Variants in CREB5 observed in about 807,000 individuals in gnomAD.
The protein encoded by CREB5 is cAMP responsive element binding protein 5, also known as cyclic AMP-responsive element-binding protein 5.
A neutral mutation model predicts 57.1 loss-of-function variants in CREB5; 19 were observed. That is an observed-to-expected ratio of 0.33 (90% CI 0.23 to 0.49). The LOEUF (loss-of-function observed/expected upper bound fraction) is 0.49, where lower values mean the gene tolerates loss of function less well. Ranked by LOEUF, CREB5 falls within the 20% of genes least tolerant of loss-of-function variation. The probability of loss-of-function intolerance (pLI) is 0.99; values close to 1 mark genes in which losing one functional copy is unlikely to be tolerated. For missense variants in CREB5, 579 were observed against 671.6 expected, an observed-to-expected ratio of 0.86 and a Z score of 1.52; for synonymous variants, 238 against 238.3, an observed-to-expected ratio of 1.00 and a Z score of 0.01.
intron 1 of CREB5, among the ~76,000 whole-genome samples, chr7:28,391,944 A>AT (rs137857509): frequency 6.6e-6 from 1 of 152,058 alleles, no homozygotes; most frequent in Non-Finnish European, 1.5e-5. Flanking sequence ...GCCAAAGGGA[A>AT]TTTTTTCACA....
chr7:28,795,724 C>T (rs1807992943), intron 7 of CREB5, among the ~76,000 whole-genome samples: 1 of 151,312 alleles, frequency 6.6e-6, no homozygotes, highest in African/African-American at 2.4e-5. Flanking sequence ...GAGGTAGAAT[C>T]CACATAAAAT....
chr7:28,447,011 G>T (rs2128564764), intron 1 of CREB5, among the ~76,000 whole-genome samples: 1 of 152,216 alleles, frequency 6.6e-6, no homozygotes, highest in Admixed American at 6.5e-5. Context: ...CTTGGAGCTG[G>T]ACTCTGCACC....
At chr7:28,442,748 T>C (rs1437348540) in intron 1 of CREB5, among the ~76,000 whole-genome samples, 1 of 152,208 alleles carries the variant, frequency 6.6e-6, no homozygotes, top group Non-Finnish European at 1.5e-5. Context: ...AAAGTCACAT[T>C]AATCACTGTA....
At chr7:28,528,283 C>A (rs1035040101) in intron 4 of CREB5, among the ~76,000 whole-genome samples, 1 of 152,160 alleles carries the variant, frequency 6.6e-6, no homozygotes, top group Non-Finnish European at 1.5e-5. Flanking sequence ...GCATTAATTG[C>A]TCTGTAATTG....
chr7:28,647,305 C>T (rs1798926132), intron 5 of CREB5, among the ~76,000 whole-genome samples: 1 of 151,878 alleles, frequency 6.6e-6, no homozygotes, highest in Admixed American at 6.5e-5. Context: ...GAGTCACAGA[C>T]TAGGGTGGAG....
chr7:28,697,453 A>G (rs17157046), intron 5 of CREB5, among the ~76,000 whole-genome samples: 29,440 of 152,130 alleles, frequency 0.19, 3,100 homozygotes, highest in Admixed American at 0.25. Context: ...GGAAAAGCCC[A>G]TTATGGAAAA....
chr7:28,599,624 C>A (rs996025767), intron 5 of CREB5, among the ~76,000 whole-genome samples: 1 of 152,176 alleles, frequency 6.6e-6, no homozygotes, highest in Non-Finnish European at 1.5e-5. Context: ...AATAAAGACA[C>A]GCATAGCTCT....
intron 1 of CREB5, among the ~76,000 whole-genome samples, chr7:28,323,384 G>A (rs1785525300): frequency 1.3e-5 from 2 of 151,860 alleles, no homozygotes; most frequent in Admixed American, 6.6e-5. Context: ...CCCTTCCTCC[G>A]TGTTCCTATC....
chr7:28,350,631 A>G (rs991134635), intron 1 of CREB5, among the ~76,000 whole-genome samples: 2 of 152,022 alleles, frequency 1.3e-5, no homozygotes, highest in Admixed American at 1.3e-4. Context: ...GAAAAGAGAG[A>G]TTCCTCTCTT....
chr7:28,533,962 A>G (rs10951198), intron 4 of CREB5, among the ~76,000 whole-genome samples: 52,391 of 152,018 alleles, frequency 0.34, 9,482 homozygotes, highest in East Asian at 0.51. Flanking sequence ...TACTTTTGAC[A>G]TGAGTTGATT....
intron 1 of CREB5, among the ~76,000 whole-genome samples, chr7:28,394,047 G>A: frequency 8.2e-6 from 1 of 121,222 alleles, no homozygotes; most frequent in Non-Finnish European, 1.6e-5. Context: ...CTCTAGCCTG[G>A]GGGATGGAGC....
intron 10 of CREB5, 177 bp from the exon 11 acceptor site, chr7:28,818,939 A>G (rs756287573): frequency 2.9e-6 from 2 of 687,696 alleles, no homozygotes; most frequent in Non-Finnish European, 4.8e-6. Flanking sequence ...AAGGCATAGC[A>G]TTGTGACAAC....
chr7:28,622,728 A>C (rs1367753289), intron 5 of CREB5, among the ~76,000 whole-genome samples: 1 of 152,088 alleles, frequency 6.6e-6, no homozygotes, highest in Non-Finnish European at 1.5e-5. Flanking sequence ...GCAAGTTAAA[A>C]TATTCCCACC....
intron 1 of CREB5, among the ~76,000 whole-genome samples, chr7:28,323,002 TA>T (rs1785519609): frequency 1.3e-5 from 2 of 152,240 alleles, no homozygotes; most frequent in African/African-American, 4.8e-5. Flanking sequence ...TACTCACTAG[TA>T]ATTCTTCTGC....
rs1321158169 is a variant in CREB5, at chr7:28,398,256, G to T, written c.-24-96650G>T. Among the ~76,000 whole-genome samples the T allele has an allele frequency of 9.2e-5, 14 of 152,200 alleles. No homozygotes were observed. In the East Asian group the frequency reaches 2.7e-3, roughly 29 times the overall value. ...TTCCAGGTTTTAGTGTTTGCTTTTT[G>T]TGTCGGGCCTCATGAGTAGAGCGCT... On this transcript the variant is annotated intron_variant, in intron 1 of 9. Transcript: ENST00000396299.
At chr7:28,341,039 C>T (rs1785925619) in intron 1 of CREB5, among the ~76,000 whole-genome samples, 3 of 152,124 alleles carry the variant, frequency 2.0e-5, no homozygotes, top group South Asian at 4.1e-4. Context: ...GACTGTATTT[C>T]TTACCTTCTT....
At chr7:28,405,160 T>C (rs1787551414) in intron 1 of CREB5, among the ~76,000 whole-genome samples, 1 of 152,192 alleles carries the variant, frequency 6.6e-6, no homozygotes. Flanking sequence ...TCAAATAAGG[T>C]AATGAAGAAA....
intron 4 of CREB5, among the ~76,000 whole-genome samples, chr7:28,565,824 G>A (rs976086768): frequency 6.6e-6 from 1 of 152,158 alleles, no homozygotes; most frequent in Non-Finnish European, 1.5e-5. Context: ...AGGGGGCTGA[G>A]GCAGGAGAAT....
intron 1 of CREB5, among the ~76,000 whole-genome samples, chr7:28,446,327 T>C (rs1789466175): frequency 6.6e-6 from 1 of 152,096 alleles, no homozygotes; most frequent in Non-Finnish European, 1.5e-5. Flanking sequence ...TCCCACAATA[T>C]GACACCAGTG....
Sources: gnomAD v4.1 joint callset for allele counts (sites outside exome capture counted in the v4.1 genomes callset) on GRCh38, gnomAD v4.1.1 for gene constraint, MANE v1.5 for transcripts, NCBI Gene and HGNC (gene_info 2026-07-23, HGNC 2026-07-21) for gene names.